NOVA1: variants seen among roughly 807,000 people sequenced by gnomAD.
NOVA1 encodes NOVA alternative splicing regulator 1, also known as RNA-binding protein Nova-1.
NOVA1 carries 7 observed loss-of-function variants against 38.0 expected under a neutral mutation model. The ratio of observed to expected loss-of-function variants is 0.18; its 90% CI spans 0.10 to 0.35. NOVA1 has a LOEUF of 0.35. Among genes scored for constraint, NOVA1 ranks in the 10% least tolerant of loss-of-function variants. The probability of loss-of-function intolerance (pLI) is 1.00; values close to 1 mark genes in which losing one functional copy is unlikely to be tolerated. For missense variants in NOVA1, 460 were observed against 616.0 expected (o/e 0.75, Z 2.68); for synonymous variants, 270 against 232.5 (o/e 1.16, Z -1.47).
At chr14:26,461,812 T>A (rs1176197847) in intron 4 of NOVA1, among the ~76,000 whole-genome samples, 2 of 149,812 alleles carry the variant, frequency 1.3e-5, no homozygotes, top group African/African-American at 4.9e-5. Flanking sequence ...TGGTGGCTCA[T>A]GCCTGTCATC....
intron 2 of NOVA1, among the ~76,000 whole-genome samples, chr14:26,578,807 A>G (rs1054746805): frequency 6.6e-6 from 1 of 152,126 alleles, no homozygotes; most frequent in Non-Finnish European, 1.5e-5. Context: ...ATATTAATAA[A>G]GACAGTGATA....
At position 26,450,872 on chromosome 14, in the gene NOVA1, C is replaced by T. The variant is rs184066752; in HGVS notation, c.520-1909G>A. Among the ~76,000 whole-genome samples the T allele has an allele frequency of 1.1e-4, 16 of 152,176 alleles. No individual in the cohort carries two copies. In the South Asian group the frequency reaches 2.9e-3, roughly 28 times the overall value. The stretch of plus-strand genomic sequence containing the variant: ...ATTTTTATGGATAAGCAATTCTTTT[C>T]AAAATGATAACCTTTTTGTAACACT... On this transcript the variant is annotated intron_variant, in intron 4 of 4. Coordinates refer to ENST00000539517, the MANE Select transcript of NOVA1 (RefSeq NM_002515.3).
At chr14:26,584,705 T>C (rs1289372932) in intron 2 of NOVA1, among the ~76,000 whole-genome samples, 2 of 151,384 alleles carry the variant, frequency 1.3e-5, no homozygotes, top group African/African-American at 4.8e-5. Flanking sequence ...CTTAAATGAC[T>C]TTCCACTTTT....
intron 3 of NOVA1, among the ~76,000 whole-genome samples, chr14:26,477,032 T>C (rs1245211): frequency 0.57 from 87,128 of 151,840 alleles, 30,331 homozygotes; most frequent in Non-Finnish European, 0.75. Flanking sequence ...TGAATTTTTA[T>C]AGCATATTGT....
At position 26,597,507 on chromosome 14, in the gene NOVA1, C is replaced by CTTTTTTTTTTT. The variant is rs563401938; in HGVS notation, c.-82_-72dup. ...GTTTTGGCTTTTTCTTTTCTTTTTT[C>CTTTTTTTTTTT]TTTTTTTTTTTTTTTTTTTTTTGCG... On this transcript the variant is annotated 5_prime_UTR_variant, in exon 1 of 5. Coordinates refer to ENST00000539517, the MANE Select transcript of NOVA1 (RefSeq NM_002515.3). The CTTTTTTTTTTT allele has an allele frequency of 7.3e-5, 57 of 782,756 alleles. 2 individuals are homozygous for CTTTTTTTTTTT. In the African/African-American group the frequency reaches 1.0e-3, roughly 14 times the overall value. The allele number at this position is 782,756 out of a possible 1,614,324, so 48.5% of individuals were successfully genotyped here.
chr14:26,544,496 C>A (rs1419798052), intron 2 of NOVA1, among the ~76,000 whole-genome samples: 2 of 151,284 alleles, frequency 1.3e-5, no homozygotes, highest in African/African-American at 4.9e-5. Context: ...AAAATTAATG[C>A]AACAGCCTAC....
rs1362963257 is a variant in NOVA1, at chr14:26,447,867, C to T, written c.*92G>A. ...CATTTGCATAATTATATATTAATAA[C>T]AGAAAAACTTCACTTCTGCAAAGTA... is the stretch of plus-strand genomic sequence containing the variant. On this transcript the variant is annotated 3_prime_UTR_variant, in exon 5 of 5. Coordinates refer to ENST00000539517, the MANE Select transcript of NOVA1 (RefSeq NM_002515.3). 2.3e-6 allele frequency: 2 copies of T among 885,558 alleles called. No individual in the cohort carries two copies. Among genetic ancestry groups the T allele is most frequent in the African/African-American group, 1.7e-5 (1 of 59,004 alleles). 54.9% of individuals were successfully genotyped at this position (885,558 alleles called of 1,614,324 possible). A position where few individuals can be genotyped will look rare whatever the true frequency, so the allele number is the denominator to read the frequency against.
chr14:26,515,441 G>A (rs1177303741), intron 2 of NOVA1, among the ~76,000 whole-genome samples: 1 of 151,982 alleles, frequency 6.6e-6, no homozygotes, highest in South Asian at 2.1e-4. Context: ...ACATTCACTA[G>A]TAGTCGTCAA....
chr14:26,526,459 G>A (rs1362865211), intron 2 of NOVA1, among the ~76,000 whole-genome samples: 1 of 152,060 alleles, frequency 6.6e-6, no homozygotes, highest in Non-Finnish European at 1.5e-5. Flanking sequence ...TTTCTTTTTA[G>A]ATGGAGAGAT....
At chr14:26,493,954 T>A (rs1217110141) in intron 2 of NOVA1, among the ~76,000 whole-genome samples, 3 of 152,178 alleles carry the variant, frequency 2.0e-5, no homozygotes, top group African/African-American at 7.2e-5. Flanking sequence ...GTCAGTGGTA[T>A]CATACCCTTA....
At chr14:26,464,456 C>T (rs896914008) in intron 4 of NOVA1, among the ~76,000 whole-genome samples, 1 of 152,174 alleles carries the variant, frequency 6.6e-6, no homozygotes, top group Admixed American at 6.5e-5. Flanking sequence ...GATGTTCACA[C>T]AACAATATCG....
intron 2 of NOVA1, among the ~76,000 whole-genome samples, chr14:26,539,090 ATT>A (rs1890287869): frequency 6.6e-6 from 1 of 152,084 alleles, no homozygotes; most frequent in Non-Finnish European, 1.5e-5. Flanking sequence ...CTTACATTGT[ATT>A]TATGCCTCTC....
chr14:26,448,947 G>A lies in NOVA1; in HGVS notation c.536C>T (p.Pro179Leu), dbSNP rs1882371280. The A allele has an allele frequency of 1.2e-6, 2 of 1,610,344 alleles. No homozygotes were observed. The highest frequency in any genetic ancestry group is 1.3e-5 in the African/African-American group (1 of 74,546). ...SRANQVKIIV[P>L]NSTAGLIIGK... ...TATTATCAGACCTGCTGTGCTGTTG[G>A]GAACTATAATCTTTACCTGTAATTA... Residue 179 changes from proline to leucine, a missense_variant, in exon 5 of 5, where the codon CCC becomes CTC. Physicochemically the swap from Pro to Leu is moderately conservative, Grantham distance 98 (BLOSUM62 -3). Coordinates refer to ENST00000539517, the MANE Select transcript of NOVA1 (RefSeq NM_002515.3). This position sits in a 1 kb window ranked among gnomAD's most constrained non-coding sequence, Gnocchi z 5.3.
At chr14:26,466,201 T>A (rs571066779) in intron 4 of NOVA1, among the ~76,000 whole-genome samples, 1 of 152,036 alleles carries the variant, frequency 6.6e-6, no homozygotes, top group African/African-American at 2.4e-5. Context: ...CCAACATGAG[T>A]GAGGAGGCCA....
chr14:26,462,195 TATA>T (rs1883737616), intron 4 of NOVA1, among the ~76,000 whole-genome samples: 1 of 152,150 alleles, frequency 6.6e-6, no homozygotes, highest in Admixed American at 6.5e-5. Context: ...TCATCCTTTG[TATA>T]ATAACCCTTC....
At chr14:26,561,170 G>T (rs1955226054) in intron 2 of NOVA1, among the ~76,000 whole-genome samples, 1 of 152,122 alleles carries the variant, frequency 6.6e-6, no homozygotes, top group South Asian at 2.1e-4. Flanking sequence ...AATGCTAGCT[G>T]GCCCCACAGC....
At chr14:26,475,186 T>C (rs1884886256) in intron 3 of NOVA1, among the ~76,000 whole-genome samples, 2 of 152,072 alleles carry the variant, frequency 1.3e-5, no homozygotes, top group Admixed American at 1.3e-4. Flanking sequence ...TAATATTTTA[T>C]TATATTATTA....
rs1265201030 is a variant in NOVA1, at chr14:26,448,724, G to A, written c.759C>T (p.Ile253=). 5 of 1,614,084 alleles carry A rather than the reference G, an allele frequency of 3.1e-6. No homozygotes were observed. The change falls in exon 5 of 5, where the codon ATC becomes ATT. Residue 253 remains isoleucine (I), a synonymous_variant. Coordinates refer to ENST00000539517, the MANE Select transcript of NOVA1 (RefSeq NM_002515.3). The surrounding 1 kb of genome is among the most constrained non-coding windows in gnomAD (Gnocchi z 5.3). ...CTGGACCTGTCACATTGGCATAACT[G>A]ATATTGAGACAGCTGCCACTTTGTG... ...EDPQSGSCLN[I]SYANVTGPVA... is the part of the protein sequence containing the mutation.
intron 2 of NOVA1, among the ~76,000 whole-genome samples, chr14:26,595,017 A>T (rs1270395930): frequency 6.6e-6 from 1 of 152,120 alleles, no homozygotes; most frequent in Non-Finnish European, 1.5e-5. Context: ...TTCTTTAAGA[A>T]GCCTCCCTAC....
Sources: allele counts gnomAD v4.1 joint callset (sites outside exome capture counted in the v4.1 genomes callset), GRCh38; gene constraint gnomAD v4.1.1; non-coding constraint Gnocchi (gnomAD v3.1); transcripts MANE v1.5; gene names NCBI Gene and HGNC (gene_info 2026-07-23, HGNC 2026-07-21).